The following ERBB4 variants were observed in gnomAD, a reference collection of about 807,000 sequenced individuals.
ERBB4 encodes receptor tyrosine-protein kinase erbB-4.
ERBB4 carries 42 observed loss-of-function variants against 158.0 expected under a neutral mutation model. The observed-to-expected ratio is 0.27, with a 90% CI of 0.21 to 0.34. ERBB4 has a LOEUF of 0.34. Among genes scored for constraint, ERBB4 ranks in the 10% least tolerant of loss-of-function variants. The pLI, the probability that ERBB4 is intolerant of heterozygous loss-of-function variation, is 1.00. For missense variants in ERBB4, 1,333 were observed against 1,624.1 expected (o/e 0.82, Z 3.08); for synonymous variants, 583 against 558.7 (o/e 1.04, Z -0.61).
intron 1 of ERBB4, among the ~76,000 whole-genome samples, chr2:212,455,722 T>C (rs1427151073): frequency 6.6e-6 from 1 of 152,126 alleles, no homozygotes; most frequent in African/African-American, 2.4e-5. Context: ...GATAGAAAAA[T>C]GAGTTTTTAA....
intron 1 of ERBB4, among the ~76,000 whole-genome samples, chr2:212,200,327 G>A (rs1004632707): frequency 1.6e-4 from 24 of 152,046 alleles, no homozygotes; most frequent in African/African-American, 5.3e-4. Context: ...CAATAATAAA[G>A]ACTGTATAAT....
intron 1 of ERBB4, among the ~76,000 whole-genome samples, chr2:212,477,042 T>C (rs1011997618): frequency 6.6e-6 from 1 of 152,162 alleles, no homozygotes; most frequent in African/African-American, 2.4e-5. Context: ...GGTACCCACA[T>C]CATAGTGTAA....
chr2:211,706,058 T>A (rs1202145521), intron 9 of ERBB4, among the ~76,000 whole-genome samples: 15 of 152,152 alleles, frequency 9.9e-5, no homozygotes, highest in South Asian at 2.1e-4. Flanking sequence ...GTTTTTTTTT[T>A]AAAGAAATCC....
In ERBB4 at chr2:211,389,771, G is replaced by A. The variant is rs527583706; in HGVS notation, c.3136-1779C>T. ...TCTCAGACCCTCATTTTCATTCTTG[G>A]CCTCCCTATTTTATTATTAATAAAT... On this transcript the variant is annotated intron_variant, in intron 25 of 27. Transcript: ENST00000342788. 5.3e-5 allele frequency among the ~76,000 whole-genome samples: 8 copies of A among 152,036 alleles called. 1 individual carries two copies. Among genetic ancestry groups the A allele is most frequent in the African/African-American group, 1.9e-4 (8 of 41,488 alleles).
At chr2:212,335,153 T>C (rs1322967684) in intron 1 of ERBB4, among the ~76,000 whole-genome samples, 1 of 151,910 alleles carries the variant, frequency 6.6e-6, no homozygotes, top group Non-Finnish European at 1.5e-5. Flanking sequence ...AATGTTTCAA[T>C]TAGTACTGGT....
At chr2:211,764,916 C>T (rs1016095231) in intron 4 of ERBB4, among the ~76,000 whole-genome samples, 1 of 152,092 alleles carries the variant, frequency 6.6e-6, no homozygotes, top group African/African-American at 2.4e-5. Context: ...TATAAAGACA[C>T]TCATTCAAAA....
intron 20 of ERBB4, among the ~76,000 whole-genome samples, chr2:211,470,905 G>A (rs2064812870): frequency 6.6e-6 from 1 of 152,218 alleles, no homozygotes; most frequent in Non-Finnish European, 1.5e-5. Context: ...CGGAGGTAGA[G>A]CAGCATCTAT....
chr2:211,850,310 A>G (rs1174069055), intron 3 of ERBB4, among the ~76,000 whole-genome samples: 1 of 151,834 alleles, frequency 6.6e-6, no homozygotes, highest in Non-Finnish European at 1.5e-5. Context: ...ATTCTCTAAG[A>G]AGCAGTATAT....
chr2:211,953,777 G>A (rs2080947524), intron 2 of ERBB4, among the ~76,000 whole-genome samples: 1 of 151,878 alleles, frequency 6.6e-6, no homozygotes, highest in Non-Finnish European at 1.5e-5. Flanking sequence ...TTTTGCTTAT[G>A]ACATTTGATG....
intron 17 of ERBB4, 25 bp downstream of exon 17, chr2:211,630,437 T>G: frequency 1.2e-6 from 2 of 1,612,468 alleles, no homozygotes. Context: ...CCCAAACACA[T>G]GAAGAGGAGA....
In ERBB4 at chr2:211,378,747, G is replaced by A. The variant is rs77670483; in HGVS notation, c.*4868C>T. On this transcript the variant is annotated 3_prime_UTR_variant, in exon 28 of 28. Coordinates refer to ENST00000342788, the MANE Select transcript of ERBB4 (RefSeq NM_005235.3). ...GTTCTTAAGCAAATAGCAACCAGGC[G>A]ATACCAATCTGCATTTATATGTTTA... 2.2e-4 allele frequency: 52 copies of A among 232,880 alleles called. 1 individual carries two copies. In the East Asian group the frequency reaches 2.5e-3, roughly 11 times the overall value. The allele number at this position is 232,880 out of a possible 1,614,324, so 14.4% of individuals were successfully genotyped here.
At chr2:211,532,766 T>G (rs2066536634) in intron 20 of ERBB4, among the ~76,000 whole-genome samples, 1 of 151,870 alleles carries the variant, frequency 6.6e-6, no homozygotes, top group South Asian at 2.1e-4. Flanking sequence ...TGACTGACAT[T>G]TTGAGTGTTT....
chr2:211,860,017 G>A (rs1344184939), intron 3 of ERBB4, among the ~76,000 whole-genome samples: 2 of 152,102 alleles, frequency 1.3e-5, no homozygotes, highest in Non-Finnish European at 2.9e-5. Context: ...TTCTGTAATT[G>A]TTTAAAAACA....
chr2:211,932,782 T>C (rs2125102549), intron 3 of ERBB4, among the ~76,000 whole-genome samples: 1 of 152,128 alleles, frequency 6.6e-6, no homozygotes, highest in East Asian at 1.9e-4. Flanking sequence ...TTTTAATGGA[T>C]TAAAATGTAA....
At chr2:212,379,888 C>T (rs970121075) in intron 1 of ERBB4, among the ~76,000 whole-genome samples, 42 of 150,602 alleles carry the variant, frequency 2.8e-4, no homozygotes, top group Admixed American at 2.6e-3. Flanking sequence ...CAATGAAAGA[C>T]AAAACATTGT....
chr2:212,516,114 A>G (rs1362746522), intron 1 of ERBB4, among the ~76,000 whole-genome samples: 2 of 151,974 alleles, frequency 1.3e-5, no homozygotes, highest in Admixed American at 6.6e-5. Flanking sequence ...ATCATTTTGT[A>G]AGTAGTACTA....
intron 5 of ERBB4, 147 bp downstream of exon 5, chr2:211,750,492 C>T (rs958782574): frequency 2.2e-5 from 16 of 714,256 alleles, no homozygotes; most frequent in Non-Finnish European, 3.8e-5. Flanking sequence ...CAATGAAAAT[C>T]GGGTAGTTTT....
At chr2:212,244,283 CCT>C (rs2084229991) in intron 1 of ERBB4, among the ~76,000 whole-genome samples, 1 of 151,884 alleles carries the variant, frequency 6.6e-6, no homozygotes. Context: ...CCTTTTTACC[CCT>C]GACTTCCAAA....
rs66536131 is a variant in ERBB4, at chr2:212,191,526, CCT to C, written c.83-66625_83-66624del. On this transcript the variant is annotated intron_variant, in intron 1 of 27. Coordinates refer to ENST00000342788, the MANE Select transcript of ERBB4 (RefSeq NM_005235.3). ...TATAACACGTGTTATACATGTTATA[CCT>C]GTTATATATAACACATGTGTTATGC... is the stretch of plus-strand genomic sequence containing the variant. Among the ~76,000 whole-genome samples, 148 of 119,644 alleles carry C rather than the reference CCT, an allele frequency of 1.2e-3. 9 individuals are homozygous for C. The highest frequency in any genetic ancestry group is 3.2e-3 in the South Asian group (10 of 3,152). The allele number at this position is 119,644 out of a possible 152,430, so 78.5% of individuals were successfully genotyped here.
Sources: allele counts gnomAD v4.1 joint callset (sites outside exome capture counted in the v4.1 genomes callset), GRCh38; gene constraint gnomAD v4.1.1; transcripts MANE v1.5; gene names NCBI Gene and HGNC (gene_info 2026-07-23, HGNC 2026-07-21).